Variants in AGPAT3 observed in about 807,000 individuals in gnomAD.
AGPAT3 encodes the protein 1-acylglycerol-3-phosphate O-acyltransferase 3, also known as 1-acyl-sn-glycerol-3-phosphate acyltransferase gamma.
Under a neutral mutation model 47.3 loss-of-function variants are expected in AGPAT3, and 5 were observed. The observed-to-expected ratio is 0.11, with a 90% CI of 0.06 to 0.22. AGPAT3 has a LOEUF of 0.22. AGPAT3 is among the 10% of genes least tolerant of loss of function. The pLI is 1.00. For synonymous variants in AGPAT3, 212 were observed against 208.3 expected (o/e 1.02, Z -0.15); for missense variants, 315 against 493.0 (o/e 0.64, Z 3.42).
At chr21:43,979,783 C>G (rs1000242803) in intron 8 of AGPAT3, among the ~76,000 whole-genome samples, 46 of 152,152 alleles carry the variant, frequency 3.0e-4, no homozygotes, top group Non-Finnish European at 7.4e-5. Flanking sequence ...CGGGGACATT[C>G]CGGAGGCAGG....
At chr21:43,888,479 C>T (rs1043538301) in intron 1 of AGPAT3, among the ~76,000 whole-genome samples, 3 of 152,176 alleles carry the variant, frequency 2.0e-5, no homozygotes, top group Admixed American at 6.5e-5. Context: ...ACCACCGTGG[C>T]ACACGTTTAC....
Position 43,971,377 on chromosome 21 carries a change from T to G in AGPAT3, c.665-11T>G. On this transcript the variant is annotated splice_polypyrimidine_tract_variant and intron_variant, in intron 6 of 9. Coordinates refer to ENST00000291572, the MANE Select transcript of AGPAT3 (RefSeq NM_020132.5). ...GGGCTGGGTCATTCACCCTCCCGTC[T>G]CCTCCCACAGTCGCAGCTGTCTATG... 1 of 1,613,326 alleles carries G rather than the reference T, an allele frequency of 6.2e-7. No homozygotes were observed. Among genetic ancestry groups the G allele is most frequent in the Non-Finnish European group, 8.5e-7 (1 of 1,179,358 alleles).
intron 2 of AGPAT3, among the ~76,000 whole-genome samples, chr21:43,910,158 A>G (rs1380093355): frequency 6.6e-6 from 1 of 152,256 alleles, no homozygotes; most frequent in African/African-American, 2.4e-5. Flanking sequence ...CACAGAGGAC[A>G]GAGAGGGATG....
intron 1 of AGPAT3, among the ~76,000 whole-genome samples, chr21:43,870,335 T>C (rs2085597385): frequency 6.6e-6 from 1 of 152,170 alleles, no homozygotes; most frequent in African/African-American, 2.4e-5. Flanking sequence ...TGTCGTGCAG[T>C]TCAGTTCCAG....
At chr21:43,869,487 C>A (rs904794611) in intron 1 of AGPAT3, among the ~76,000 whole-genome samples, 9 of 152,188 alleles carry the variant, frequency 5.9e-5, no homozygotes, top group Admixed American at 1.3e-4. Flanking sequence ...AGGAAGACCG[C>A]GTCAGTTTGG....
chr21:43,951,169 G>T (rs904796379), intron 2 of AGPAT3, among the ~76,000 whole-genome samples: 7 of 152,200 alleles, frequency 4.6e-5, no homozygotes, highest in African/African-American at 1.7e-4. Flanking sequence ...CAGGGGCCAG[G>T]TCTGCTCGGC....
chr21:43,936,002 C>T (rs1392222684), intron 2 of AGPAT3, among the ~76,000 whole-genome samples: 1 of 152,244 alleles, frequency 6.6e-6, no homozygotes, highest in Non-Finnish European at 1.5e-5. Context: ...CCAGCTGTTC[C>T]TAAGCAAGGC....
At chr21:43,894,894 C>G (rs575100698) in intron 1 of AGPAT3, among the ~76,000 whole-genome samples, 1 of 152,116 alleles carries the variant, frequency 6.6e-6, no homozygotes, top group Admixed American at 6.5e-5. Flanking sequence ...TGACCTGATT[C>G]GCACCTCCTC....
chr21:43,973,938 G>A (rs1181736783), intron 7 of AGPAT3, among the ~76,000 whole-genome samples: 3 of 152,096 alleles, frequency 2.0e-5, no homozygotes, highest in African/African-American at 7.2e-5. Context: ...ACACCCTGGG[G>A]TGCAGAAAAA....
At chr21:43,976,419 T>C (rs2089624641) in intron 7 of AGPAT3, among the ~76,000 whole-genome samples, 1 of 152,116 alleles carries the variant, frequency 6.6e-6, no homozygotes, top group Non-Finnish European at 1.5e-5. Flanking sequence ...AGGCTGGTCT[T>C]GAACTCCTGG....
chr21:43,901,504 C>T (rs550381234), intron 1 of AGPAT3, among the ~76,000 whole-genome samples: 14 of 151,748 alleles, frequency 9.2e-5, no homozygotes, highest in Middle Eastern at 3.4e-3. Context: ...GACCTAGGGC[C>T]GGGCGTCATG....
At position 43,969,107 on chromosome 21, in the gene AGPAT3, C is replaced by T. The variant is rs2089283398; in HGVS notation, c.349-11C>T. On this transcript the variant is annotated splice_polypyrimidine_tract_variant and intron_variant, in intron 4 of 9. Transcript: ENST00000291572. ...TGAAGTGCCAGGTGCCCCTCCTTCT[C>T]CTCCCTCCAGAGCTCCAAGGTCCTC... The T allele has an allele frequency of 6.2e-7, 1 of 1,613,000 alleles. No individual in the cohort carries two copies. The highest frequency in any genetic ancestry group is 1.1e-5 in the South Asian group (1 of 91,062).
At chr21:43,882,145 A>C (rs1241817269) in intron 1 of AGPAT3, among the ~76,000 whole-genome samples, 3 of 152,224 alleles carry the variant, frequency 2.0e-5, no homozygotes, top group Non-Finnish European at 4.4e-5. Context: ...CCCTGTGCCC[A>C]GGGCTGAGGG....
intron 1 of AGPAT3, among the ~76,000 whole-genome samples, chr21:43,899,017 G>A (rs1232713394): frequency 1.3e-5 from 2 of 152,190 alleles, no homozygotes; most frequent in African/African-American, 2.4e-5. Flanking sequence ...TGCCCGGCCT[G>A]ATTACATTTT....
intron 3 of AGPAT3, 122 bp downstream of exon 3, chr21:43,959,981 C>A: frequency 9.1e-7 from 1 of 1,102,866 alleles, no homozygotes; most frequent in Non-Finnish European, 1.3e-6. Context: ...GGTGCCGAGG[C>A]CATCTGGCTG....
At chr21:43,893,301 T>C (rs2086140690) in intron 1 of AGPAT3, among the ~76,000 whole-genome samples, 1 of 152,220 alleles carries the variant, frequency 6.6e-6, no homozygotes, top group Non-Finnish European at 1.5e-5. Context: ...CTTCCTCAAC[T>C]GTCTCAACCT....
At position 43,885,240 on chromosome 21, in the gene AGPAT3, G is replaced by A. The variant is rs2085947439; in HGVS notation, c.-111-18717G>A. On this transcript the variant is annotated intron_variant, in intron 1 of 9. Transcript: ENST00000291572. ...CAGGAGGCCTGGGCCTGGGCCAGAC[G>A]GGTTCCCTGCACAGCTGCTTTTGCG... Among the ~76,000 whole-genome samples the A allele has an allele frequency of 2.6e-5, 4 of 152,248 alleles. No individual in the cohort carries two copies. In the South Asian group the frequency reaches 8.3e-4, roughly 31 times the overall value.
chr21:43,928,013 T>G (rs1293535905), intron 2 of AGPAT3, among the ~76,000 whole-genome samples: 2 of 152,228 alleles, frequency 1.3e-5, no homozygotes, highest in African/African-American at 4.8e-5. Context: ...TCCAAGGAGC[T>G]GGGCCTGTTG....
chr21:43,934,057 G>A lies in AGPAT3; in HGVS notation c.-48-25577G>A, dbSNP rs2087350125. 6.6e-6 allele frequency among the ~76,000 whole-genome samples: 1 copy of A among 152,264 alleles called. No individual in the cohort carries two copies. Among genetic ancestry groups the A allele is most frequent in the Non-Finnish European group, 1.5e-5 (1 of 68,044 alleles). On this transcript the variant is annotated intron_variant, in intron 2 of 9. Transcript: ENST00000291572. This position sits in a 1 kb window ranked among gnomAD's most constrained non-coding sequence, Gnocchi z 4.7. ...GCCGTACCAGGGCAGGGGCAGTGGA[G>A]CAGGTGTCTGCCCTACATTGCTCAT... is the stretch of plus-strand genomic sequence containing the variant.
Sources: gnomAD v4.1 joint callset for allele counts (sites outside exome capture counted in the v4.1 genomes callset) on GRCh38, gnomAD v4.1.1 for gene constraint, Gnocchi (gnomAD v3.1) non-coding constraint, MANE v1.5 for transcripts, NCBI Gene and HGNC (gene_info 2026-07-23, HGNC 2026-07-21) for gene names.